Variants in ZNF577 observed in about 807,000 individuals in gnomAD.
The protein encoded by ZNF577 is zinc finger protein 577.
A neutral mutation model predicts 13.9 loss-of-function variants in ZNF577; 14 were observed. The observed-to-expected ratio is 1.00, with a 90% CI of 0.66 to 1.57. The LOEUF (loss-of-function observed/expected upper bound fraction) is 1.57, where lower values mean the gene tolerates loss of function less well. Ranked by LOEUF, ZNF577 falls within the 40% of genes most tolerant of loss-of-function variation. The pLI is 0.00. For synonymous variants in ZNF577, 203 were observed against 202.9 expected, an observed-to-expected ratio of 1.00 and a Z score of 0.00; for missense variants, 555 against 579.2, an observed-to-expected ratio of 0.96 and a Z score of 0.43.
Position 51,872,660 on chromosome 19 carries a change from A to G in ZNF577, c.1330T>C (p.Phe444Leu), listed in dbSNP as rs1276447280. The G allele has an allele frequency of 1.2e-6, 2 of 1,614,082 alleles. No homozygotes were observed. Among genetic ancestry groups the G allele is most frequent in the Admixed American group, 3.3e-5 (2 of 60,000 alleles). Residue 444 changes from phenylalanine to leucine, a missense_variant, in exon 6 of 6, where the codon TTT (phenylalanine) becomes CTT (leucine). Coordinates refer to ENST00000638348, the MANE Select transcript of ZNF577 (RefSeq NM_001370449.1). ...GRNVVIVEQP[F>L]PRNQAFVVNQ... ...ACTACAAAGGCTTGATTTCTTGGAA[A>G]AGGTTGTTCCACAATCACTACATTT... is the stretch of plus-strand genomic sequence containing the variant.
chr19:51,865,449 C>T (rs145810489), downstream of ZNF577, among the ~76,000 whole-genome samples: 38 of 152,288 alleles, frequency 2.5e-4, no homozygotes, highest in Non-Finnish European at 3.7e-4. Flanking sequence ...GTGGTGAGCA[C>T]TCCCACCTTC....
chr19:51,815,607 C>T (rs1243583081), intron 9 of ZNF577, among the ~76,000 whole-genome samples: 2 of 151,094 alleles, frequency 1.3e-5, no homozygotes, highest in African/African-American at 4.9e-5. Context: ...GTGGCTCACA[C>T]TTGTCATCCC....
intron 3 of ZNF577, chr19:51,878,809 A>G (rs974242380): frequency 6.9e-6 from 2 of 288,156 alleles, no homozygotes; most frequent in Admixed American, 8.8e-5. Flanking sequence ...GGGTTAAATT[A>G]CAGCACCTCC....
At chr19:51,880,127 G>A (rs565494438) in intron 3 of ZNF577, among the ~76,000 whole-genome samples, 196 bp downstream of exon 3, 1 of 152,246 alleles carries the variant, frequency 6.6e-6, no homozygotes, top group South Asian at 2.1e-4. Context: ...TTCAAGGCAC[G>A]CTATTTTCGA....
At chr19:51,851,936 G>C (rs1250833010) in intron 5 of ZNF577, among the ~76,000 whole-genome samples, 3 of 152,082 alleles carry the variant, frequency 2.0e-5, no homozygotes, top group Non-Finnish European at 4.4e-5. Flanking sequence ...ATACCCTCAC[G>C]CATCACCTGC....
At chr19:51,886,310 A>C (rs1325385605) in intron 1 of ZNF577, 2 of 152,200 alleles carry the variant, frequency 1.3e-5, no homozygotes, top group Non-Finnish European at 2.9e-5. Context: ...CTCAAATTCC[A>C]CATATTCATC....
intron 5 of ZNF577, chr19:51,861,112 T>C: frequency 3.7e-6 from 1 of 269,866 alleles, no homozygotes; most frequent in Non-Finnish European, 6.5e-6. Context: ...ATTGACTCTC[T>C]CTTTTTTTTT....
intron 5 of ZNF577, chr19:51,860,870 CAA>C: frequency 2.6e-6 from 1 of 383,242 alleles, no homozygotes; most frequent in Non-Finnish European, 5.0e-6. Context: ...ACAAGATATT[CAA>C]AGAGTTTTGA....
chr19:51,860,130 A>G (rs1450840354), intron 5 of ZNF577: 2 of 152,180 alleles, frequency 1.3e-5, no homozygotes, highest in African/African-American at 4.8e-5. Context: ...ACACATTTAA[A>G]AAGCCCTGAC....
At chr19:51,882,985 T>TA (rs1228746133) in intron 1 of ZNF577, among the ~76,000 whole-genome samples, 14 of 147,258 alleles carry the variant, frequency 9.5e-5, no homozygotes, top group Non-Finnish European at 1.9e-4. Context: ...GTGGGCTTTT[T>TA]AAAAAAAATT....
intron 9 of ZNF577, among the ~76,000 whole-genome samples, chr19:51,815,127 G>T (rs12459560): frequency 0.14 from 21,878 of 152,096 alleles, 1,951 homozygotes; most frequent in East Asian, 0.34. Flanking sequence ...TTATGTTAGT[G>T]AGGTTATTTA....
At chr19:51,851,369 C>T (rs1434734431) in intron 5 of ZNF577, among the ~76,000 whole-genome samples, 4 of 152,138 alleles carry the variant, frequency 2.6e-5, no homozygotes, top group African/African-American at 9.7e-5. Flanking sequence ...ATTAATCTTA[C>T]TTTCAAATAG....
intron 9 of ZNF577, among the ~76,000 whole-genome samples, chr19:51,820,687 A>G (rs2084181842): frequency 6.6e-6 from 1 of 152,164 alleles, no homozygotes. Context: ...GGAACTAGGG[A>G]ATGGGAGAGG....
intron 9 of ZNF577, among the ~76,000 whole-genome samples, chr19:51,828,195 C>T (rs939912890): frequency 1.3e-5 from 2 of 152,082 alleles, no homozygotes; most frequent in Non-Finnish European, 2.9e-5. Flanking sequence ...TGTTGAAACG[C>T]TGTCTGTACT....
At chr19:51,819,025 C>A (rs967955494) in intron 9 of ZNF577, among the ~76,000 whole-genome samples, 2 of 152,186 alleles carry the variant, frequency 1.3e-5, no homozygotes, top group African/African-American at 4.8e-5. Flanking sequence ...GGAGATGGCT[C>A]TGGCTGTGCA....
In ZNF577 at chr19:51,872,216, C is replaced by T; in HGVS notation, c.*316G>A. On this transcript the variant is annotated 3_prime_UTR_variant, in exon 6 of 6. Transcript: ENST00000638348. The stretch of plus-strand genomic sequence containing the variant: ...GAAAAATGTTTTCCATATCCATTGC[C>T]TCTACAGTTGTCTATGTTTCTTTGG... 4.9e-6 allele frequency: 1 copy of T among 205,582 alleles called. No individual in the cohort carries two copies. Among genetic ancestry groups the T allele is most frequent in the East Asian group, 1.2e-4 (1 of 8,362 alleles). 12.7% of individuals were successfully genotyped at this position (205,582 alleles called of 1,614,324 possible). A position where few individuals can be genotyped will look rare whatever the true frequency, so the allele number is the denominator to read the frequency against.
At chr19:51,816,812 T>C (rs2122470166) in intron 9 of ZNF577, among the ~76,000 whole-genome samples, 1 of 152,292 alleles carries the variant, frequency 6.6e-6, no homozygotes, top group East Asian at 1.9e-4. Flanking sequence ...CATTGTAGGA[T>C]AGACAGTGGT....
At chr19:51,806,264 A>G (rs977096385) in intron 10 of ZNF577, among the ~76,000 whole-genome samples, 2 of 152,130 alleles carry the variant, frequency 1.3e-5, no homozygotes, top group African/African-American at 4.8e-5. Context: ...CCAGGGTTGC[A>G]AGCACCTTGA....
intron 3 of ZNF577, among the ~76,000 whole-genome samples, chr19:51,879,065 G>A (rs2084816018): frequency 6.6e-6 from 1 of 151,894 alleles, no homozygotes; most frequent in Admixed American, 6.6e-5. Context: ...AGACTATCCT[G>A]GCTAACACAG....
Sources: gnomAD v4.1 joint callset for allele counts (sites outside exome capture counted in the v4.1 genomes callset) on GRCh38, gnomAD v4.1.1 for gene constraint, MANE v1.5 for transcripts, NCBI Gene and HGNC (gene_info 2026-07-23, HGNC 2026-07-21) for gene names.